CPVL: variants seen among roughly 807,000 people sequenced by gnomAD.
CPVL encodes the protein probable serine carboxypeptidase CPVL.
A neutral mutation model predicts 63.7 loss-of-function variants in CPVL; 51 were observed. The ratio of observed to expected loss-of-function variants is 0.80; its 90% confidence interval spans 0.64 to 1.01. The LOEUF (loss-of-function observed/expected upper bound fraction) is 1.01. Among genes scored for constraint, CPVL ranks in the 50% least tolerant of loss-of-function variants. CPVL has a pLI of 0.00. For synonymous variants in CPVL, 195 were observed against 206.0 expected, an observed-to-expected ratio of 0.95 and a Z score of 0.46; for missense variants, 530 against 573.1, an observed-to-expected ratio of 0.92 and a Z score of 0.77.
Position 29,069,197 on chromosome 7 carries a change from T to C in CPVL, c.864+2576A>G, listed in dbSNP as rs1337268818. ...GCTCACAGCTGTAATCCCAGCACTT[T>C]GGAAGGCCGAGGCGGGCGGATCACT... On this transcript the variant is annotated intron_variant, in intron 9 of 12. Coordinates refer to ENST00000265394, the MANE Select transcript of CPVL (RefSeq NM_031311.5). 2.0e-5 allele frequency among the ~76,000 whole-genome samples: 3 copies of C among 151,438 alleles called. No homozygotes were observed. The South Asian group carries it at 6.3e-4, about 32-fold the overall frequency.
chr7:29,056,221 T>C (rs535765953), intron 11 of CPVL, among the ~76,000 whole-genome samples: 14 of 152,324 alleles, frequency 9.2e-5, no homozygotes, highest in African/African-American at 3.1e-4. Context: ...CAGTTCACAT[T>C]AGAACTCACT....
intron 12 of CPVL, among the ~76,000 whole-genome samples, chr7:29,022,300 C>T (rs980853854): frequency 3.3e-5 from 5 of 152,208 alleles, no homozygotes; most frequent in Admixed American, 2.0e-4. Context: ...CTGCCACCAC[C>T]ACCAGTGCCC....
At chr7:29,140,329 T>TTC (rs1791740640) in intron 1 of CPVL, among the ~76,000 whole-genome samples, 1 of 152,196 alleles carries the variant, frequency 6.6e-6, no homozygotes, top group South Asian at 2.1e-4. Flanking sequence ...ACAAATAGTT[T>TTC]TCTCTCCTTT....
chr7:29,112,547 T>C (rs1233170359), intron 3 of CPVL, among the ~76,000 whole-genome samples, 157 bp downstream of exon 3: 3 of 152,122 alleles, frequency 2.0e-5, no homozygotes, highest in Non-Finnish European at 4.4e-5. Flanking sequence ...AGGAACACCA[T>C]GCAGGTTTGC....
At chr7:29,066,221 A>T in intron 9 of CPVL, 100 bp from the exon 10 acceptor site, 1 of 692,238 alleles carries the variant, frequency 1.4e-6, no homozygotes. Flanking sequence ...CAACTTTTTC[A>T]TTCCTTTATT....
chr7:29,104,496 A>G (rs1014468743), intron 3 of CPVL, among the ~76,000 whole-genome samples: 8 of 152,140 alleles, frequency 5.3e-5, no homozygotes, highest in Admixed American at 3.9e-4. Context: ...TCTGACCTCA[A>G]GTGATCCACC....
rs1395915339 is a variant in CPVL, at chr7:29,060,117, G to C, written c.1137+3944C>G. On this transcript the variant is annotated intron_variant, in intron 11 of 12. Coordinates refer to ENST00000265394, the MANE Select transcript of CPVL (RefSeq NM_031311.5). ...CTTGTATAACTTTTGAATGTAGCAA[G>C]ATCTTAAAGACTTTCACAAAATTTG... Among the ~76,000 whole-genome samples, 7 of 152,156 alleles carry C rather than the reference G, an allele frequency of 4.6e-5. No individual in the cohort carries two copies. In the East Asian group the frequency reaches 9.6e-4, roughly 21 times the overall value.
intron 11 of CPVL, among the ~76,000 whole-genome samples, chr7:29,055,060 CAT>C (rs1172696656): frequency 1.3e-5 from 2 of 152,130 alleles, no homozygotes; most frequent in African/African-American, 4.8e-5. Context: ...TTTTATCTCT[CAT>C]ATGTCCTATA....
upstream of CPVL, among the ~76,000 whole-genome samples, chr7:29,148,944 TA>T (rs10718989): frequency 0.013 from 2,004 of 152,036 alleles, 77 homozygotes; most frequent in Admixed American, 0.069. Flanking sequence ...AGCTAGACAT[TA>T]AAAAATGAAT....
chr7:29,145,376 T>A (rs245875), intron 1 of CPVL, among the ~76,000 whole-genome samples: 97,274 of 151,452 alleles, frequency 0.64, 31,380 homozygotes, highest in East Asian at 0.69. Flanking sequence ...GAAGATAAGT[T>A]ACGTCCCTGA....
chr7:29,084,990 A>T (rs1562760651), intron 7 of CPVL, among the ~76,000 whole-genome samples: 1 of 152,224 alleles, frequency 6.6e-6, no homozygotes, highest in Non-Finnish European at 1.5e-5. Context: ...AGGGGTAAAA[A>T]AATACAGAAC....
At chr7:29,084,396 T>C (rs1785015618) in intron 7 of CPVL, among the ~76,000 whole-genome samples, 1 of 152,214 alleles carries the variant, frequency 6.6e-6, no homozygotes, top group Admixed American at 6.5e-5. Context: ...GTTCTGCTCA[T>C]TATCTCGTCA....
At chr7:29,072,221 C>T in intron 8 of CPVL, 80 bp downstream of exon 8, 1 of 1,520,758 alleles carries the variant, frequency 6.6e-7, no homozygotes, top group Non-Finnish European at 9.0e-7. Flanking sequence ...AGTTAGACCT[C>T]TAAGAGGAGC....
rs1782847692 is a variant in CPVL, at chr7:29,063,656, T to C, written c.1137+405A>G. Among the ~76,000 whole-genome samples, 7 of 152,188 alleles carry C rather than the reference T, an allele frequency of 4.6e-5. No individual in the cohort carries two copies. The South Asian group carries it at 1.4e-3, about 31-fold the overall frequency. ...TGCGATCTTGGCTCACTGCAACCTC[T>C]GCCTCCCGGGTTCAAGTGATTCTCA... On this transcript the variant is annotated intron_variant, in intron 11 of 12. Transcript: ENST00000265394.
In CPVL at chr7:29,041,462, C is replaced by A. The variant is rs148175606; in HGVS notation, c.1138-10703G>T. On this transcript the variant is annotated intron_variant, in intron 11 of 12. Coordinates refer to ENST00000265394, the MANE Select transcript of CPVL (RefSeq NM_031311.5). ...AAATCTCTCCAGAGGAGGAATGTACCCCTGCCTGTCAGAAGGTCAGCTTCA... is the reference window on the plus strand; with the variant it reads ...AAATCTCTCCAGAGGAGGAATGTACACCTGCCTGTCAGAAGGTCAGCTTCA... Among the ~76,000 whole-genome samples the A allele has an allele frequency of 7.6e-3, 1,163 of 152,222 alleles. 4 individuals carry two copies. Among genetic ancestry groups the A allele is most frequent in the Non-Finnish European group, 0.011 (723 of 68,014 alleles).
chr7:29,183,404 T>C (rs1350003587), intron 4 of CPVL, among the ~76,000 whole-genome samples: 1 of 145,016 alleles, frequency 6.9e-6, no homozygotes, highest in African/African-American at 2.6e-5. Context: ...TGAGACAGGG[T>C]CTTGCTCTGT....
exon 3 of CPVL, chr7:29,185,555 A>G (rs1798603844): frequency 6.6e-6 from 1 of 151,934 alleles, no homozygotes. Context: ...TGTTCTCTGA[A>G]TCTCATTTCT....
chr7:29,084,111 C>T (rs1432097047), intron 7 of CPVL, among the ~76,000 whole-genome samples: 1 of 152,098 alleles, frequency 6.6e-6, no homozygotes, highest in Non-Finnish European at 1.5e-5. Context: ...TATCTGTGCT[C>T]AGTTGAATTC....
chr7:29,082,080 T>C (rs1784776805), intron 7 of CPVL, among the ~76,000 whole-genome samples: 1 of 152,350 alleles, frequency 6.6e-6, no homozygotes, highest in East Asian at 1.9e-4. Context: ...CTATTCAGCT[T>C]TCCTAAGAGT....
Sources: gnomAD v4.1 joint callset for allele counts (sites outside exome capture counted in the v4.1 genomes callset) on GRCh38, gnomAD v4.1.1 for gene constraint, MANE v1.5 for transcripts, NCBI Gene and HGNC (gene_info 2026-07-23, HGNC 2026-07-21) for gene names.